Variants in MOCOS observed in about 807,000 individuals in gnomAD.
The protein encoded by MOCOS is human molybdenum cofactor sulfurase.
Under a neutral mutation model 83.6 loss-of-function variants are expected in MOCOS, and 86 were observed. The observed-to-expected ratio is 1.03, with a 90% CI of 0.86 to 1.23. MOCOS has a LOEUF of 1.23. MOCOS is among the 50% of genes most tolerant of loss of function. The probability of loss-of-function intolerance (pLI) is 0.00; values close to 1 mark genes in which losing one functional copy is unlikely to be tolerated. For missense variants in MOCOS, 1,120 were observed against 1,126.9 expected, an observed-to-expected ratio of 0.99 and a Z score of 0.09; for synonymous variants, 445 against 434.7, an observed-to-expected ratio of 1.02 and a Z score of -0.29.
intron 9 of MOCOS, among the ~76,000 whole-genome samples, chr18:36,221,413 A>G (rs1171436128): frequency 6.6e-6 from 1 of 152,144 alleles, no homozygotes; most frequent in African/African-American, 2.4e-5. Context: ...ACGTACATAC[A>G]TAAAACATTA....
chr18:36,200,367 T>A, intron 4 of MOCOS, 43 bp downstream of exon 4: 1 of 1,610,764 alleles, frequency 6.2e-7, no homozygotes. Flanking sequence ...TTCAGCAAGG[T>A]GGGGTCTGGC....
rs1328263129 is a variant in MOCOS at position 36,199,716 on chromosome 18, C to T, written c.333C>T (p.Asp111=). The T allele has an allele frequency of 6.2e-7, 1 of 1,614,010 alleles. No homozygotes were observed. Among genetic ancestry groups the T allele is most frequent in the African/African-American group, 1.3e-5 (1 of 74,930 alleles). ...ILAHFHTTAE[D]YTVIFTAGST... The stretch of plus-strand genomic sequence containing the variant: ...CGCACTTCCACACCACCGCAGAAGA[C>T]TACACTGTGATCTTCACTGCCGGGA... Residue 111 remains aspartate (D), a synonymous_variant, in exon 4 of 15, where the codon GAC becomes GAT. Coordinates refer to ENST00000261326, the MANE Select transcript of MOCOS (RefSeq NM_017947.4).
chr18:36,229,763 C>A (rs758546847), intron 9 of MOCOS, among the ~76,000 whole-genome samples: 2 of 151,796 alleles, frequency 1.3e-5, no homozygotes, highest in Non-Finnish European at 2.9e-5. Flanking sequence ...CTTATCTTTT[C>A]TTTTGCTGAT....
Position 36,204,735 on chromosome 18 carries a change from G to GT in MOCOS, c.1019-341dup, listed in dbSNP as rs1196395873. Among the ~76,000 whole-genome samples the GT allele has an allele frequency of 6.6e-5, 10 of 152,232 alleles. 1 individual carries two copies. The highest frequency in any genetic ancestry group is 6.2e-4 in the South Asian group (3 of 4,822). ...GTGCCAGGCGTGGTGGCTCATGCCT[G>GT]TAATCCCAGCACTTTGGGAGGCTGA... is the stretch of plus-strand genomic sequence containing the variant. On this transcript the variant is annotated intron_variant, in intron 5 of 14. Transcript: ENST00000261326.
intron 6 of MOCOS, among the ~76,000 whole-genome samples, chr18:36,212,499 TCCTGAATTCA>T (rs1486787776): frequency 4.6e-5 from 7 of 152,224 alleles, no homozygotes; most frequent in African/African-American, 1.7e-4. Flanking sequence ...GCTGGGAAAC[TCCTGAATTCA>T]CTAGCAGGTC....
chr18:36,210,850 C>CAAAAA lies in MOCOS; in HGVS notation c.1219-2490_1219-2486dup, dbSNP rs60856965. Among the ~76,000 whole-genome samples, 40 of 48,054 alleles carry CAAAAA rather than the reference C, an allele frequency of 8.3e-4. 2 individuals carry two copies. Among genetic ancestry groups the CAAAAA allele is most frequent in the Admixed American group, 1.5e-3 (5 of 3,234 alleles). 31.5% of individuals were successfully genotyped at this position (48,054 alleles called of 152,430 possible). A position where few individuals can be genotyped will look rare whatever the true frequency, so the allele number is the denominator to read the frequency against. The stretch of plus-strand genomic sequence containing the variant: ...TGGGTGACAGAGCAAGACTCTGTCT[C>CAAAAA]AAAAAAAAAAAAAAAAAAAAAAAAA... On this transcript the variant is annotated intron_variant, in intron 6 of 14. Transcript: ENST00000261326.
chr18:36,202,885 C>T (rs758267012), intron 4 of MOCOS, among the ~76,000 whole-genome samples: 3 of 152,078 alleles, frequency 2.0e-5, no homozygotes, highest in African/African-American at 2.4e-5. Context: ...CTCACTATCA[C>T]GAAATGAGAA....
At chr18:36,251,072 A>C in intron 10 of MOCOS, 87 bp from the exon 11 acceptor site, 1 of 1,478,898 alleles carries the variant, frequency 6.8e-7, no homozygotes, top group African/African-American at 1.4e-5. Flanking sequence ...GTTTTATTTT[A>C]TTTTGTAACC....
chr18:36,238,462 C>T (rs1403163554), intron 9 of MOCOS, among the ~76,000 whole-genome samples: 11 of 149,246 alleles, frequency 7.4e-5, no homozygotes, highest in Admixed American at 2.0e-4. Flanking sequence ...GATTCTTAAT[C>T]CTGAGTTCTA....
intron 9 of MOCOS, among the ~76,000 whole-genome samples, chr18:36,221,772 G>A (rs2091497051): frequency 6.6e-6 from 1 of 150,526 alleles, no homozygotes. Flanking sequence ...TGTTGTCCAG[G>A]CTGGAGTGCA....
chr18:36,236,679 G>A (rs1384581190), intron 9 of MOCOS, among the ~76,000 whole-genome samples: 1 of 138,044 alleles, frequency 7.2e-6, no homozygotes, highest in Non-Finnish European at 1.6e-5. Context: ...AAAGGCATTG[G>A]TAGCCTGATG....
At chr18:36,220,344 A>G (rs2091491671) in intron 9 of MOCOS, 127 bp downstream of exon 9, 4 of 825,818 alleles carry the variant, frequency 4.8e-6, no homozygotes, top group Middle Eastern at 3.5e-4. Context: ...CATCTCTACA[A>G]AAAAAAAAAA....
intron 12 of MOCOS, among the ~76,000 whole-genome samples, chr18:36,258,839 A>G (rs926110751): frequency 2.0e-5 from 3 of 152,182 alleles, no homozygotes; most frequent in Non-Finnish European, 4.4e-5. Flanking sequence ...GCTGATAAAC[A>G]CATTAAGTGT....
chr18:36,189,061 A>G (rs769416258), intron 1 of MOCOS, among the ~76,000 whole-genome samples: 21 of 151,684 alleles, frequency 1.4e-4, no homozygotes, highest in Admixed American at 3.3e-4. Flanking sequence ...CTGAGTAATT[A>G]TATCAGCACC....
At chr18:36,227,520 C>T (rs986719180) in intron 9 of MOCOS, among the ~76,000 whole-genome samples, 6 of 152,126 alleles carry the variant, frequency 3.9e-5, no homozygotes, top group Admixed American at 1.3e-4. Context: ...CTCAGCTTTC[C>T]GGGTAGCTGG....
At chr18:36,188,100 C>G (rs1383355601) in intron 1 of MOCOS, among the ~76,000 whole-genome samples, 2 of 151,180 alleles carry the variant, frequency 1.3e-5, no homozygotes, top group African/African-American at 2.4e-5. Flanking sequence ...CGCCAGCGCC[C>G]GGGCTGGGAC....
At position 36,187,841 on chromosome 18, in the gene MOCOS, C is replaced by T. The variant is rs548308656; in HGVS notation, c.142+160C>T. ...GCGTCCTCCTAGTAGACACGGCTCC[C>T]TGAGGTCCCACCTGCAGCCCCAAGG... On this transcript the variant is annotated intron_variant, in intron 1 of 14. Transcript: ENST00000261326. Among the ~76,000 whole-genome samples, 3 of 152,344 alleles carry T rather than the reference C, an allele frequency of 2.0e-5. No homozygotes were observed. In the South Asian group the frequency reaches 6.2e-4, roughly 32 times the overall value.
At chr18:36,247,964 A>G (rs1217480088) in intron 9 of MOCOS, among the ~76,000 whole-genome samples, 1 of 152,180 alleles carries the variant, frequency 6.6e-6, no homozygotes, top group Non-Finnish European at 1.5e-5. Context: ...TTGGATAAAT[A>G]CCCAGAAGTG....
At chr18:36,243,246 C>T (rs993224710) in intron 9 of MOCOS, among the ~76,000 whole-genome samples, 3 of 152,136 alleles carry the variant, frequency 2.0e-5, no homozygotes, top group South Asian at 2.1e-4. Flanking sequence ...TCCTCTTTAC[C>T]GATTTGGATG....
Sources: gnomAD v4.1 joint callset for allele counts (sites outside exome capture counted in the v4.1 genomes callset) on GRCh38, gnomAD v4.1.1 for gene constraint, MANE v1.5 for transcripts, NCBI Gene and HGNC (gene_info 2026-07-23, HGNC 2026-07-21) for gene names.